STAM2: variants seen among roughly 807,000 people sequenced by gnomAD.
STAM2 encodes signal transducing adapter molecule 2.
STAM2 carries 51 observed loss-of-function variants against 65.6 expected under a neutral mutation model. The observed-to-expected ratio is 0.78, with a 90% CI of 0.62 to 0.98. The LOEUF (loss-of-function observed/expected upper bound fraction) is 0.98. Ranked by LOEUF, STAM2 falls within the 50% of genes least tolerant of loss-of-function variation. The probability of loss-of-function intolerance (pLI) is 0.00; values close to 1 mark genes in which losing one functional copy is unlikely to be tolerated. For missense variants in STAM2, 584 were observed against 617.8 expected, an observed-to-expected ratio of 0.95 and a Z score of 0.58; for synonymous variants, 198 against 208.4, an observed-to-expected ratio of 0.95 and a Z score of 0.43.
intron 11 of STAM2, among the ~76,000 whole-genome samples, chr2:152,129,230 T>C (rs184776777): frequency 3.3e-5 from 5 of 152,316 alleles, no homozygotes; most frequent in Admixed American, 3.3e-4. Flanking sequence ...TGCAGCCTCC[T>C]TGACCTCCCA....
Position 152,142,502 on chromosome 2 carries a change from A to C in STAM2, c.704+1325T>G, listed in dbSNP as rs750857810. On this transcript the variant is annotated intron_variant, in intron 7 of 13. Coordinates refer to ENST00000263904, the MANE Select transcript of STAM2 (RefSeq NM_005843.6). ...ACTGTCAGTGTTCAGAGCCCACACT[A>C]TCTCTCCATCTTTACAGACAGTGTC... Among the ~76,000 whole-genome samples the C allele has an allele frequency of 2.0e-4, 30 of 152,300 alleles. 4 individuals are homozygous for C. The highest frequency in any genetic ancestry group is 3.9e-4 in the Admixed American group (6 of 15,300).
intron 5 of STAM2, 38 bp downstream of exon 5, chr2:152,147,124 A>G (rs535803120): frequency 5.1e-6 from 8 of 1,555,722 alleles, no homozygotes; most frequent in South Asian, 3.7e-5. Flanking sequence ...CCTTCAAAAT[A>G]TTATAGGGTC....
At chr2:152,124,061 A>C (rs1688910407) in intron 12 of STAM2, 126 bp from the exon 13 acceptor site, 1 of 764,672 alleles carries the variant, frequency 1.3e-6, no homozygotes, top group African/African-American at 1.8e-5. Context: ...TGATTCTACC[A>C]ATCTATCCAT....
rs376411375 is a variant in STAM2, at chr2:152,147,265, T to G, written c.344A>C (p.Glu115Ala). 6.2e-7 allele frequency: 1 copy of G among 1,607,850 alleles called. No homozygotes were observed. The highest frequency in any genetic ancestry group is 8.5e-7 in the Non-Finnish European group (1 of 1,177,770). The part of the protein sequence containing the change: ...VCEKLKSLMV[E>A]WSEEFQKDPQ... ...GTCCTTCTGAAATTCTTCTGACCAC[T>G]CCACCATTAAAGATTTCAGTTTTTC... The change falls in exon 5 of 14, where the codon GAG becomes GCG. Residue 115 changes from glutamate (E) to alanine (A), a missense_variant. Transcript: ENST00000263904.
Position 152,160,890 on chromosome 2 carries a change from C to T in STAM2, c.41-10661G>A, listed in dbSNP as rs1335160926. 4.6e-5 allele frequency among the ~76,000 whole-genome samples: 7 copies of T among 151,052 alleles called. No individual in the cohort carries two copies. The East Asian group carries it at 8.0e-4, about 17-fold the overall frequency. On this transcript the variant is annotated intron_variant, in intron 1 of 13. Transcript: ENST00000263904. ...GAGGGAGGTGGGGGGGTCAGCCCCCCGCCTGGCCAGCCGCCCCATCCGGGA... is the reference window on the plus strand; with the variant it reads ...GAGGGAGGTGGGGGGGTCAGCCCCCTGCCTGGCCAGCCGCCCCATCCGGGA...
At position 152,118,289 on chromosome 2, in the gene STAM2, C is replaced by A. The variant is rs1161079553; in HGVS notation, c.*2285G>T. The stretch of plus-strand genomic sequence containing the variant: ...GTACACAACCCTGTGTTTCTTAACA[C>A]CGAAAGAATCATCAGTACACAGATT... On this transcript the variant is annotated 3_prime_UTR_variant, in exon 14 of 14. Transcript: ENST00000263904. The A allele has an allele frequency of 1.3e-5, 2 of 151,784 alleles. No individual in the cohort carries two copies. Among genetic ancestry groups the A allele is most frequent in the African/African-American group, 4.8e-5 (2 of 41,358 alleles). 9.4% of individuals were successfully genotyped at this position (151,784 alleles called of 1,614,324 possible).
chr2:152,161,654 ACT>A (rs1400397051), intron 1 of STAM2, among the ~76,000 whole-genome samples: 4 of 151,390 alleles, frequency 2.6e-5, no homozygotes, highest in African/African-American at 9.7e-5. Flanking sequence ...AATGACAATG[ACT>A]CTATTTAGCA....
At position 152,144,688 on chromosome 2, in the gene STAM2, G is replaced by A. The variant is rs550815756; in HGVS notation, c.517+200C>T. 291 of 429,624 alleles carry A rather than the reference G, an allele frequency of 6.8e-4. 3 individuals carry two copies. Among genetic ancestry groups the A allele is most frequent in the African/African-American group, 5.6e-3 (272 of 48,874 alleles). The allele number at this position is 429,624 out of a possible 1,614,324, so 26.6% of individuals were successfully genotyped here. On this transcript the variant is annotated intron_variant, in intron 6 of 13. Coordinates refer to ENST00000263904, the MANE Select transcript of STAM2 (RefSeq NM_005843.6). ...CGAGTAGTTGGGACTACAGGCGCCC[G>A]CCACCACGCCCAGCTAATTTTTGTA... is the stretch of plus-strand genomic sequence containing the variant.
At chr2:152,140,096 T>A (rs1012535523) in intron 7 of STAM2, among the ~76,000 whole-genome samples, 2 of 152,110 alleles carry the variant, frequency 1.3e-5, no homozygotes, top group Non-Finnish European at 2.9e-5. Flanking sequence ...AAATACAGTA[T>A]GAGAAATGCT....
intron 1 of STAM2, among the ~76,000 whole-genome samples, chr2:152,173,931 T>C (rs547483279): frequency 7.9e-5 from 12 of 152,306 alleles, no homozygotes; most frequent in Admixed American, 1.3e-4. Context: ...AATATGTAAC[T>C]ACTTGAAGCT....
In STAM2 at chr2:152,117,025, T is replaced by G. The variant is rs1688760612; in HGVS notation, c.*3549A>C. 1 of 152,150 alleles carries G rather than the reference T, an allele frequency of 6.6e-6. No homozygotes were observed. Among genetic ancestry groups the G allele is most frequent in the African/African-American group, 2.4e-5 (1 of 41,424 alleles). 9.4% of individuals were successfully genotyped at this position (152,150 alleles called of 1,614,324 possible). A position where few individuals can be genotyped will look rare whatever the true frequency, so the allele number is the denominator to read the frequency against. ...GGCGGGGGTGAGGGGTGGCTACTGTTAAGTCACATTGTGACATTCCAGGTG... is the reference window on the plus strand; with the variant it reads ...GGCGGGGGTGAGGGGTGGCTACTGTGAAGTCACATTGTGACATTCCAGGTG... On this transcript the variant is annotated 3_prime_UTR_variant, in exon 14 of 14. Coordinates refer to ENST00000263904, the MANE Select transcript of STAM2 (RefSeq NM_005843.6).
At chr2:152,144,082 G>A (rs1166037617) in intron 6 of STAM2, 69 bp from the exon 7 acceptor site, 29 of 1,167,672 alleles carry the variant, frequency 2.5e-5, no homozygotes, top group Non-Finnish European at 3.2e-5. Flanking sequence ...AGATGACAAT[G>A]TAAAATTTAA....
chr2:152,120,442 A>T lies in STAM2; in HGVS notation c.*132T>A. 8 of 572,366 alleles carry T rather than the reference A, an allele frequency of 1.4e-5. No individual in the cohort carries two copies. Among genetic ancestry groups the T allele is most frequent in the Non-Finnish European group, 2.1e-5 (7 of 325,988 alleles). The allele number at this position is 572,366 out of a possible 1,614,324, so 35.5% of individuals were successfully genotyped here. A position where few individuals can be genotyped will look rare whatever the true frequency, so the allele number is the denominator to read the frequency against. ...CTTTTATGGCCTTGTAGAATAAGAG[A>T]GGTTTTTGTGCTTTATTTATTCATG... On this transcript the variant is annotated 3_prime_UTR_variant, in exon 14 of 14. Coordinates refer to ENST00000263904, the MANE Select transcript of STAM2 (RefSeq NM_005843.6).
intron 1 of STAM2, among the ~76,000 whole-genome samples, chr2:152,169,888 C>T (rs1251978014): frequency 6.6e-6 from 1 of 150,648 alleles, no homozygotes; most frequent in South Asian, 2.1e-4. Context: ...GAGTCTCACT[C>T]TGTTGCCCCA....
intron 5 of STAM2, among the ~76,000 whole-genome samples, chr2:152,145,906 T>G (rs1689329825): frequency 6.6e-6 from 1 of 152,194 alleles, no homozygotes; most frequent in African/African-American, 2.4e-5. Context: ...GGAAAATGTT[T>G]CCTTTTTATT....
chr2:152,130,731 G>T (rs972114804), intron 11 of STAM2, among the ~76,000 whole-genome samples: 1 of 151,444 alleles, frequency 6.6e-6, no homozygotes, highest in South Asian at 2.1e-4. Context: ...GGGTGCAGTG[G>T]CTCACACCTG....
At chr2:152,143,701 G>GA (rs1689289852) in intron 7 of STAM2, 126 bp downstream of exon 7, 1 of 637,974 alleles carries the variant, frequency 1.6e-6, no homozygotes, top group Non-Finnish European at 2.4e-6. Flanking sequence ...TTTTATTTTA[G>GA]AAAAAACAAG....
At chr2:152,150,569 G>C (rs2105551498) in intron 1 of STAM2, among the ~76,000 whole-genome samples, 1 of 152,368 alleles carries the variant, frequency 6.6e-6, no homozygotes, top group South Asian at 2.1e-4. Flanking sequence ...GGGAGGCCAA[G>C]GCAGGAAGAT....
At position 152,119,121 on chromosome 2, in the gene STAM2, T is replaced by G. The variant is rs115889967; in HGVS notation, c.*1453A>C. 5.2e-3 allele frequency: 796 copies of G among 152,324 alleles called. 4 individuals carry two copies. Among genetic ancestry groups the G allele is most frequent in the African/African-American group, 0.018 (758 of 41,580 alleles). 9.4% of individuals were successfully genotyped at this position (152,324 alleles called of 1,614,324 possible). A position where few individuals can be genotyped will look rare whatever the true frequency, so the allele number is the denominator to read the frequency against. The stretch of plus-strand genomic sequence containing the variant: ...TATAGAAATCTTGCTTCCACGTAAC[T>G]TTTTAAAAACTAATGTCCATTGTTT... On this transcript the variant is annotated 3_prime_UTR_variant, in exon 14 of 14. Coordinates refer to ENST00000263904, the MANE Select transcript of STAM2 (RefSeq NM_005843.6).
Sources: gnomAD v4.1 joint callset for allele counts (sites outside exome capture counted in the v4.1 genomes callset) on GRCh38, gnomAD v4.1.1 for gene constraint, MANE v1.5 for transcripts, NCBI Gene and HGNC (gene_info 2026-07-23, HGNC 2026-07-21) for gene names.